Variants in FYCO1 observed in about 807,000 individuals in gnomAD.
FYCO1 encodes the protein FYVE and coiled-coil domain autophagy adaptor 1.
In FYCO1, 122 loss-of-function variants were observed where a neutral mutation model predicts 165.1. That is an observed-to-expected ratio of 0.74 (90% CI 0.64 to 0.86). FYCO1 has a LOEUF of 0.86. FYCO1 is among the 40% of genes least tolerant of loss of function. The pLI is 0.00. For missense variants in FYCO1, 1,702 were observed against 1,810.3 expected (o/e 0.94, Z 1.09); for synonymous variants, 648 against 742.5 (o/e 0.87, Z 2.07).
chr3:45,977,408 A>ATATATAT (rs1706828635), intron 4 of FYCO1, among the ~76,000 whole-genome samples: 1 of 79,444 alleles, frequency 1.3e-5, no homozygotes, highest in Non-Finnish European at 2.6e-5. Context: ...TATATATATA[A>ATATATAT]AGGGAACTAT....
At chr3:45,960,483 G>C (rs889582625) in intron 11 of FYCO1, among the ~76,000 whole-genome samples, 1 of 152,214 alleles carries the variant, frequency 6.6e-6, no homozygotes, top group Non-Finnish European at 1.5e-5. Context: ...ATTCTCTGAA[G>C]CAGCCTCATT....
intron 7 of FYCO1, 100 bp from the exon 8 acceptor site, chr3:45,968,803 G>A (rs557343229): frequency 7.4e-6 from 10 of 1,349,910 alleles, no homozygotes; most frequent in African/African-American, 5.7e-5. Context: ...AAAAATACAG[G>A]CATTACCTGC....
intron 1 of FYCO1, among the ~76,000 whole-genome samples, chr3:45,987,458 G>C (rs1263836196): frequency 1.3e-5 from 2 of 152,202 alleles, no homozygotes; most frequent in Non-Finnish European, 2.9e-5. Flanking sequence ...CTTGGGGAAG[G>C]GAGAAGTGGT....
intron 14 of FYCO1, among the ~76,000 whole-genome samples, chr3:45,937,836 C>T (rs1043530591): frequency 6.6e-6 from 1 of 152,152 alleles, no homozygotes; most frequent in African/African-American, 2.4e-5. Flanking sequence ...GCTTTCCAGC[C>T]GCTGGTTTCC....
chr3:45,981,642 T>C lies in FYCO1; in HGVS notation c.90A>G (p.Glu30=), dbSNP rs774833240. 6.2e-7 allele frequency: 1 copy of C among 1,614,028 alleles called. No individual in the cohort carries two copies. Among genetic ancestry groups the C allele is most frequent in the Admixed American group, 1.7e-5 (1 of 60,030 alleles). ...TGTCATCCGTGATGGGTTCCCCTGCTTCCTGAAATTCTTTGCTTAGTTCTG... is the reference window on the plus strand; with the variant it reads ...TGTCATCCGTGATGGGTTCCCCTGCCTCCTGAAATTCTTTGCTTAGTTCTG... The part of the protein sequence containing the change: ...AVTELSKEFQ[E]AGEPITDDST... Residue 30 remains glutamate (E), a synonymous_variant, in exon 3 of 18, where the codon GAA becomes GAG. Coordinates refer to ENST00000296137, the MANE Select transcript of FYCO1 (RefSeq NM_024513.4).
intron 16 of FYCO1, among the ~76,000 whole-genome samples, chr3:45,928,044 C>T (rs953039725): frequency 1.3e-5 from 2 of 152,194 alleles, no homozygotes; most frequent in Non-Finnish European, 2.9e-5. Context: ...CATGAAACAT[C>T]TAGAATCAGC....
chr3:45,923,974 T>C (rs1703206215), intron 16 of FYCO1, among the ~76,000 whole-genome samples: 1 of 152,198 alleles, frequency 6.6e-6, no homozygotes. Flanking sequence ...ATGAGTTTCT[T>C]CCAGAATCAT....
chr3:45,932,045 T>C (rs1399315318), intron 15 of FYCO1, among the ~76,000 whole-genome samples: 2 of 152,238 alleles, frequency 1.3e-5, no homozygotes, highest in African/African-American at 4.8e-5. Context: ...GGGACCTGCC[T>C]CACTGCATCC....
intron 2 of FYCO1, among the ~76,000 whole-genome samples, chr3:45,983,264 C>T (rs768897719): frequency 3.3e-5 from 5 of 152,144 alleles, no homozygotes; most frequent in Non-Finnish European, 7.4e-5. Context: ...CTGCTGTCAC[C>T]AAGAGGATAA....
chr3:45,954,893 C>T (rs918494729), intron 14 of FYCO1, among the ~76,000 whole-genome samples: 1 of 152,206 alleles, frequency 6.6e-6, no homozygotes, highest in South Asian at 2.1e-4. Context: ...CCTGACCTTG[C>T]ACTTCCAGCC....
In FYCO1 at chr3:45,919,826, ATTTGT is replaced by A. The variant is rs1274831080; in HGVS notation, c.*1934_*1938del. The A allele has an allele frequency of 6.6e-6, 1 of 152,216 alleles. No homozygotes were observed. 9.4% of individuals were successfully genotyped at this position (152,216 alleles called of 1,614,324 possible). A position where few individuals can be genotyped will look rare whatever the true frequency, so the allele number is the denominator to read the frequency against. ...GCTGGATGGATTCAAAGTTAGCATG[ATTTGT>A]TCTGAATCATCTCAGGCCACGTGGC... On this transcript the variant is annotated 3_prime_UTR_variant, in exon 18 of 18. Coordinates refer to ENST00000296137, the MANE Select transcript of FYCO1 (RefSeq NM_024513.4).
At chr3:45,958,775 T>G in intron 12 of FYCO1, 156 bp from the exon 13 acceptor site, 2 of 737,310 alleles carry the variant, frequency 2.7e-6, no homozygotes, top group South Asian at 2.9e-5. Flanking sequence ...TTCATAAGAT[T>G]CCAACAAAGC....
At chr3:45,923,626 A>T (rs1703188636) in intron 17 of FYCO1, 30 bp downstream of exon 17, 1 of 1,343,224 alleles carries the variant, frequency 7.4e-7, no homozygotes, top group Admixed American at 1.7e-5. Flanking sequence ...AGGCCTGGAG[A>T]CGTGGAGCTG....
Position 45,952,890 on chromosome 3 carries a change from T to C in FYCO1, c.3944+2359A>G, listed in dbSNP as rs539739714. On this transcript the variant is annotated intron_variant, in intron 14 of 17. Transcript: ENST00000296137. ...GAGGCAGAGTGTGGCTTAGTGCTAG[T>C]GGAATGGAACATGCCCCAGGGACCA... 2.0e-5 allele frequency among the ~76,000 whole-genome samples: 3 copies of C among 152,066 alleles called. No individual in the cohort carries two copies. The East Asian group carries it at 5.8e-4, about 29-fold the overall frequency.
At chr3:45,924,689 T>C (rs1267648956) in intron 16 of FYCO1, among the ~76,000 whole-genome samples, 1 of 151,916 alleles carries the variant, frequency 6.6e-6, no homozygotes, top group Non-Finnish European at 1.5e-5. Flanking sequence ...CTTGGCTCAC[T>C]GCAATCTCCA....
At chr3:45,975,155 T>C (rs937774414) in intron 5 of FYCO1, 84 bp downstream of exon 5, 1 of 916,564 alleles carries the variant, frequency 1.1e-6, no homozygotes, top group Admixed American at 1.7e-5. Flanking sequence ...TGAGCACTAC[T>C]GTTGCAGCTG....
At chr3:45,957,020 A>G (rs1346496228) in intron 13 of FYCO1, among the ~76,000 whole-genome samples, 1 of 152,254 alleles carries the variant, frequency 6.6e-6, no homozygotes, top group African/African-American at 2.4e-5. Context: ...ACAGTTTGGT[A>G]TTAGTGAAAG....
At chr3:45,980,907 C>T (rs1298387620) in intron 3 of FYCO1, among the ~76,000 whole-genome samples, 1 of 152,206 alleles carries the variant, frequency 6.6e-6, no homozygotes, top group East Asian at 1.9e-4. Context: ...TAGTTGCATG[C>T]ATTTTTCCAC....
At chr3:45,932,813 T>G (rs912667796) in intron 15 of FYCO1, among the ~76,000 whole-genome samples, 2 of 152,244 alleles carry the variant, frequency 1.3e-5, no homozygotes, top group Admixed American at 6.5e-5. Flanking sequence ...TTATTTCTAA[T>G]TAAGAACCCT....
Sources: gnomAD v4.1 joint callset for allele counts (sites outside exome capture counted in the v4.1 genomes callset) on GRCh38, gnomAD v4.1.1 for gene constraint, MANE v1.5 for transcripts, NCBI Gene and HGNC (gene_info 2026-07-23, HGNC 2026-07-21) for gene names.